TJP1: variants seen among roughly 807,000 people sequenced by gnomAD.
The protein encoded by TJP1 is tight junction protein ZO-1.
In TJP1, 43 loss-of-function variants were observed where a neutral mutation model predicts 194.2. The ratio of observed to expected loss-of-function variants is 0.22; its 90% confidence interval spans 0.17 to 0.29. TJP1 has a LOEUF of 0.29. Among genes scored for constraint, TJP1 ranks in the 10% least tolerant of loss-of-function variants. TJP1 has a pLI of 1.00. For missense variants in TJP1, 1,971 were observed against 2,185.7 expected, an observed-to-expected ratio of 0.90 and a Z score of 1.96; for synonymous variants, 801 against 779.0, an observed-to-expected ratio of 1.03 and a Z score of -0.47.
chr15:29,949,933 CACCACCTCCACA>C (rs1307971935), intron 2 of TJP1, among the ~76,000 whole-genome samples: 20 of 47,780 alleles, frequency 4.2e-4, no homozygotes, highest in Admixed American at 6.9e-4. Context: ...TCACCACCAC[CACCACCTCCACA>C]ACCACCACCA....
At chr15:29,760,306 A>T (rs2045918029) in intron 8 of TJP1, 2 of 700,698 alleles carry the variant, frequency 2.9e-6, no homozygotes, top group African/African-American at 1.8e-5. Flanking sequence ...TGTACGTGTG[A>T]CTCTAAAGAA....
intron 2 of TJP1, among the ~76,000 whole-genome samples, chr15:29,892,985 T>C (rs904613442): frequency 1.3e-5 from 2 of 152,228 alleles, no homozygotes; most frequent in Non-Finnish European, 2.9e-5. Flanking sequence ...CTCTGATGGA[T>C]CTGAGCAAAG....
rs776987664 is a variant in TJP1 at position 29,718,751 on chromosome 15, G to A, written c.3391C>T (p.Arg1131Cys). ...GACAGAGGGGCTGGCTCTTCAAAAC[G>A]TGGAAAGTACCCTCGTTCTGAGGAC... is the stretch of plus-strand genomic sequence containing the variant. ...EESSERGYFP[R>C]FEEPAPLSYD... Residue 1131 changes from arginine (R) to cysteine (C), a missense_variant, in exon 21 of 28, where the codon CGT (arginine) becomes TGT (cysteine). Physicochemically the swap from Arg to Cys is radical, Grantham distance 180. Transcript: ENST00000614355. The A allele has an allele frequency of 1.9e-6, 3 of 1,614,132 alleles. No individual in the cohort carries two copies. Among genetic ancestry groups the A allele is most frequent in the Non-Finnish European group, 2.5e-6 (3 of 1,180,030 alleles).
chr15:29,798,690 TAA>T (rs1304131330), intron 2 of TJP1, among the ~76,000 whole-genome samples: 1 of 152,082 alleles, frequency 6.6e-6, no homozygotes, highest in African/African-American at 2.4e-5. Context: ...CCAAAAGAAA[TAA>T]AAAGTTATGT....
At chr15:29,859,865 A>C (rs1329569983) in intron 2 of TJP1, among the ~76,000 whole-genome samples, 3 of 152,152 alleles carry the variant, frequency 2.0e-5, no homozygotes, top group Non-Finnish European at 4.4e-5. Context: ...CACCTCCATG[A>C]TTTTCAGATA....
At chr15:29,913,457 A>T (rs535195254) in intron 2 of TJP1, among the ~76,000 whole-genome samples, 1 of 152,336 alleles carries the variant, frequency 6.6e-6, no homozygotes, top group East Asian at 1.9e-4. Context: ...GTGCACACAC[A>T]TTTGTACATA....
At chr15:29,866,430 A>C (rs1294816072) in intron 2 of TJP1, among the ~76,000 whole-genome samples, 1 of 152,240 alleles carries the variant, frequency 6.6e-6, no homozygotes, top group Non-Finnish European at 1.5e-5. Flanking sequence ...GTCTGCTTGA[A>C]TACATCATTT....
rs989272448 is a variant in TJP1 at position 29,908,712 on chromosome 15, TCTC to T, written c.306+47517_306+47519del. 3.2e-4 allele frequency among the ~76,000 whole-genome samples: 48 copies of T among 152,084 alleles called. 1 individual carries two copies. Among genetic ancestry groups the T allele is most frequent in the Non-Finnish European group, 6.5e-4 (44 of 68,022 alleles). On this transcript the variant is annotated intron_variant, in intron 2 of 28. Transcript: ENST00000356107. ...TGGCTAGGAGGTTTTGAGAAAATAA[TCTC>T]CTGGCTTTTAAAAAGAGGCTCGGCC...
At chr15:29,814,050 C>T (rs2049723529) in intron 1 of TJP1, among the ~76,000 whole-genome samples, 1 of 152,194 alleles carries the variant, frequency 6.6e-6, no homozygotes, top group Non-Finnish European at 1.5e-5. Context: ...CTTAATGTCT[C>T]CCTCCTATTG....
At chr15:29,768,907 C>T (rs1399316703) in intron 4 of TJP1, among the ~76,000 whole-genome samples, 3 of 151,874 alleles carry the variant, frequency 2.0e-5, no homozygotes, top group South Asian at 2.1e-4. Flanking sequence ...CAAAATGATG[C>T]CATGTAAGTA....
Position 29,701,590 on chromosome 15 carries a change from A to G in TJP1, c.*5T>C, listed in dbSNP as rs780089613. On this transcript the variant is annotated 3_prime_UTR_variant, in exon 28 of 28. Coordinates refer to ENST00000614355, the MANE Select transcript of TJP1 (RefSeq NM_001330239.4). Reference sequence around the variant, plus strand: ...CACATTATTTAAGTTCCTATATTTCAAGAGTTAAAAGTGGTCAATAAGGAC... The same window carrying G: ...CACATTATTTAAGTTCCTATATTTCGAGAGTTAAAAGTGGTCAATAAGGAC... 18 of 1,607,686 alleles carry G rather than the reference A, an allele frequency of 1.1e-5. 1 individual carries two copies. The Admixed American group carries it at 3.0e-4, about 27-fold the overall frequency.
intron 2 of TJP1, among the ~76,000 whole-genome samples, chr15:29,885,030 T>A (rs2053068889): frequency 6.6e-6 from 1 of 152,210 alleles, no homozygotes; most frequent in Non-Finnish European, 1.5e-5. Flanking sequence ...GGAAGTTCTT[T>A]ATACAAACTA....
chr15:29,761,088 G>C, intron 8 of TJP1, 51 bp downstream of exon 8: 2 of 1,506,508 alleles, frequency 1.3e-6, no homozygotes, highest in Non-Finnish European at 1.8e-6. Flanking sequence ...TCAGATACTG[G>C]TATCAAGCAA....
intron 8 of TJP1, chr15:29,760,045 T>G (rs918147225): frequency 1.1e-5 from 6 of 531,594 alleles, no homozygotes; most frequent in Admixed American, 3.5e-5. Flanking sequence ...ACCTCCATAC[T>G]GTTTTCCAGA....
chr15:29,829,532 T>A (rs1397061582), intron 2 of TJP1, among the ~76,000 whole-genome samples: 4 of 152,042 alleles, frequency 2.6e-5, no homozygotes, highest in African/African-American at 7.3e-5. Flanking sequence ...GAGACATTTC[T>A]GAGCCTCAAA....
At chr15:29,929,784 AT>A (rs1421066043) in intron 2 of TJP1, among the ~76,000 whole-genome samples, 3 of 152,076 alleles carry the variant, frequency 2.0e-5, no homozygotes, top group Non-Finnish European at 2.9e-5. Context: ...AGGGGCAGAA[AT>A]TAATGAAACT....
At chr15:29,968,933 G>A, upstream of TJP1, 1 of 183,170 alleles carries the variant, frequency 5.5e-6, no homozygotes, top group Non-Finnish European at 1.0e-5. Context: ...CCGGGCTCCC[G>A]CTCCCGCCGC....
chr15:29,747,862 C>T (rs2044913374), intron 8 of TJP1, among the ~76,000 whole-genome samples: 1 of 152,188 alleles, frequency 6.6e-6, no homozygotes, highest in Non-Finnish European at 1.5e-5. Flanking sequence ...GGCCAATTTG[C>T]ATACCCCATT....
chr15:29,836,634 T>G (rs1277269569), intron 2 of TJP1, among the ~76,000 whole-genome samples: 1 of 152,080 alleles, frequency 6.6e-6, no homozygotes, highest in Non-Finnish European at 1.5e-5. Flanking sequence ...CATAACAACA[T>G]AACATTGCTA....
Sources: gnomAD v4.1 joint callset for allele counts (sites outside exome capture counted in the v4.1 genomes callset) on GRCh38, gnomAD v4.1.1 for gene constraint, MANE v1.5 for transcripts, NCBI Gene and HGNC (gene_info 2026-07-23, HGNC 2026-07-21) for gene names.